Variants in MAPK14 observed in about 807,000 individuals in gnomAD.
MAPK14 encodes CSAID-binding protein.
MAPK14 carries 16 observed loss-of-function variants against 49.6 expected under a neutral mutation model. That is an observed-to-expected ratio of 0.32 (90% CI 0.22 to 0.49). The LOEUF is 0.49. MAPK14 is among the 20% of genes least tolerant of loss of function. The pLI is 0.99. For missense variants in MAPK14, 200 were observed against 441.2 expected (o/e 0.45, Z 4.90); for synonymous variants, 142 against 158.0 (o/e 0.90, Z 0.76).
In MAPK14 at chr6:36,110,005, G is replaced by A. The variant is rs1765917395; in HGVS notation, c.*1558G>A. The A allele has an allele frequency of 6.6e-6, 1 of 152,450 alleles. No individual in the cohort carries two copies. The highest frequency in any genetic ancestry group is 2.4e-5 in the African/African-American group (1 of 41,394). The allele number at this position is 152,450 out of a possible 1,614,324, so 9.4% of individuals were successfully genotyped here. A position where few individuals can be genotyped will look rare whatever the true frequency, so the allele number is the denominator to read the frequency against. On this transcript the variant is annotated 3_prime_UTR_variant, in exon 12 of 12. Transcript: ENST00000229794. ...TGTGATTCCTTTTGATGGGGAGAAA[G>A]GGCAAATTATTTTAATATTTTGTAT...
At chr6:36,080,344 ACACT>A (rs1015331270) in intron 8 of MAPK14, among the ~76,000 whole-genome samples, 1 of 152,002 alleles carries the variant, frequency 6.6e-6, no homozygotes, top group African/African-American at 2.4e-5. Context: ...GCAGATGGAA[ACACT>A]CAGCCCGTGA....
the MAPK14 span, among the ~76,000 whole-genome samples, chr6:36,116,933 A>G: frequency 1.3e-5 from 2 of 152,236 alleles, no homozygotes; most frequent in Non-Finnish European, 2.9e-5. Context: ...CTATCCTGAT[A>G]TCAACGTTGA....
At chr6:36,112,050 C>G (rs1451685461), downstream of MAPK14, among the ~76,000 whole-genome samples, 1 of 151,930 alleles carries the variant, frequency 6.6e-6, no homozygotes, top group Non-Finnish European at 1.5e-5. Flanking sequence ...ACTAAAAATA[C>G]AAAAAATTAG....
chr6:36,054,632 C>A (rs2127419938), intron 2 of MAPK14, among the ~76,000 whole-genome samples: 1 of 152,258 alleles, frequency 6.6e-6, no homozygotes, highest in Non-Finnish European at 1.5e-5. Context: ...ATGTTTGAAG[C>A]CAAAAGACTT....
chr6:36,043,158 T>TA (rs36105266), intron 1 of MAPK14, among the ~76,000 whole-genome samples: 1 of 152,084 alleles, frequency 6.6e-6, no homozygotes, highest in Non-Finnish European at 1.5e-5. Context: ...TAAGTTTCAT[T>TA]AAAAAATACT....
intron 8 of MAPK14, among the ~76,000 whole-genome samples, chr6:36,085,835 A>G (rs1764960443): frequency 1.3e-5 from 2 of 152,316 alleles, no homozygotes; most frequent in Admixed American, 1.3e-4. Context: ...AACTCTCTAT[A>G]CAGAAACAAC....
intron 3 of MAPK14, among the ~76,000 whole-genome samples, chr6:36,066,800 G>C (rs143972881): frequency 5.6e-4 from 85 of 151,804 alleles, no homozygotes; most frequent in Admixed American, 1.2e-3. Context: ...TCCTGATTTA[G>C]CTAATAAATG....
At chr6:36,053,054 G>T (rs985851866) in intron 2 of MAPK14, among the ~76,000 whole-genome samples, 2 of 151,562 alleles carry the variant, frequency 1.3e-5, no homozygotes, top group African/African-American at 2.4e-5. Context: ...AGAGGAGAAA[G>T]AACTCTTTAA....
At chr6:36,053,515 T>G (rs1305446771) in intron 2 of MAPK14, among the ~76,000 whole-genome samples, 2 of 152,140 alleles carry the variant, frequency 1.3e-5, no homozygotes, top group Non-Finnish European at 2.9e-5. Context: ...GAATACTAAC[T>G]GAAAGTAAAA....
At chr6:36,120,185 G>A in the MAPK14 span, among the ~76,000 whole-genome samples, 2 of 152,208 alleles carry the variant, frequency 1.3e-5, no homozygotes, top group East Asian at 3.8e-4. Context: ...CAGGATTGTG[G>A]TGAGGGTTAA....
intron 8 of MAPK14, among the ~76,000 whole-genome samples, chr6:36,079,185 G>T (rs1764646663): frequency 6.6e-6 from 1 of 152,182 alleles, no homozygotes; most frequent in South Asian, 2.1e-4. Context: ...GTTTTTAATA[G>T]ATGGGGAAAC....
At chr6:36,030,144 A>G (rs1292557846) in intron 1 of MAPK14, among the ~76,000 whole-genome samples, 2 of 152,108 alleles carry the variant, frequency 1.3e-5, no homozygotes, top group East Asian at 3.9e-4. Flanking sequence ...TAACTCAACT[A>G]TAGAGGGTTT....
downstream of MAPK14, among the ~76,000 whole-genome samples, chr6:36,115,195 T>G (rs577370279): frequency 2.0e-5 from 3 of 152,178 alleles, no homozygotes; most frequent in African/African-American, 7.2e-5. Flanking sequence ...GAAGTTATTA[T>G]AAGTTAAATA....
chr6:36,109,893 T>G lies in MAPK14; in HGVS notation c.*1446T>G, dbSNP rs1366791960. 6.5e-6 allele frequency: 1 copy of G among 152,682 alleles called. No individual in the cohort carries two copies. The highest frequency in any genetic ancestry group is 1.5e-5 in the Non-Finnish European group (1 of 68,044). 9.5% of individuals were successfully genotyped at this position (152,682 alleles called of 1,614,324 possible). A position where few individuals can be genotyped will look rare whatever the true frequency, so the allele number is the denominator to read the frequency against. On this transcript the variant is annotated 3_prime_UTR_variant, in exon 12 of 12. Transcript: ENST00000229794. The stretch of plus-strand genomic sequence containing the variant: ...TTTTCCACTCCTATGGAAAAGGGTC[T>G]TCTTGGCAGCTTAACATTGACTTCT...
At chr6:36,067,785 T>G (rs1442116121) in intron 3 of MAPK14, among the ~76,000 whole-genome samples, 1 of 152,176 alleles carries the variant, frequency 6.6e-6, no homozygotes, top group Admixed American at 6.6e-5. Context: ...TTCAATAAAA[T>G]GAGCCCTTGT....
intron 3 of MAPK14, among the ~76,000 whole-genome samples, chr6:36,067,129 A>G (rs1279837112): frequency 6.6e-6 from 1 of 152,168 alleles, no homozygotes; most frequent in Non-Finnish European, 1.5e-5. Flanking sequence ...TGAAATCTAA[A>G]TAAGTTACAT....
At chr6:36,042,434 G>A (rs1486993207) in intron 1 of MAPK14, among the ~76,000 whole-genome samples, 1 of 151,318 alleles carries the variant, frequency 6.6e-6, no homozygotes, top group Non-Finnish European at 1.5e-5. Context: ...AGTTCCTTGA[G>A]GTCATAAACA....
At chr6:36,053,796 C>T (rs1763489642) in intron 2 of MAPK14, among the ~76,000 whole-genome samples, 1 of 152,138 alleles carries the variant, frequency 6.6e-6, no homozygotes, top group African/African-American at 2.4e-5. Context: ...CATTAGCGTA[C>T]ATTTGTTTCA....
chr6:36,046,948 C>T (rs925439968), intron 1 of MAPK14, among the ~76,000 whole-genome samples: 7 of 152,172 alleles, frequency 4.6e-5, no homozygotes, highest in Non-Finnish European at 1.5e-5. Context: ...AGAAAGTGTT[C>T]AGCTTGCAGG....
Sources: gnomAD v4.1 joint callset for allele counts (sites outside exome capture counted in the v4.1 genomes callset) on GRCh38, gnomAD v4.1.1 for gene constraint, MANE v1.5 for transcripts, NCBI Gene and HGNC (gene_info 2026-07-23, HGNC 2026-07-21) for gene names.